VWF: variants seen among roughly 807,000 people sequenced by gnomAD.
The protein encoded by VWF is von Willebrand factor.
VWF carries 176 observed loss-of-function variants against 308.6 expected under a neutral mutation model. That is an observed-to-expected ratio of 0.57 (90% CI 0.50 to 0.65). VWF has a LOEUF of 0.65. VWF is among the 30% of genes least tolerant of loss of function. The probability of loss-of-function intolerance (pLI) is 0.00; values close to 1 mark genes in which losing one functional copy is unlikely to be tolerated. For missense variants in VWF, 3,146 were observed against 3,648.2 expected (o/e 0.86, Z 3.55); for synonymous variants, 1,385 against 1,443.4 (o/e 0.96, Z 0.92).
At chr12:5,975,291 T>C (rs974900284) in intron 43 of VWF, among the ~76,000 whole-genome samples, 2 of 152,248 alleles carry the variant, frequency 1.3e-5, no homozygotes, top group African/African-American at 2.4e-5. Flanking sequence ...AACCACAAGA[T>C]GGATGTGCTC....
At chr12:6,067,450 T>C (rs1944728999) in intron 10 of VWF, among the ~76,000 whole-genome samples, 1 of 152,218 alleles carries the variant, frequency 6.6e-6, no homozygotes, top group Non-Finnish European at 1.5e-5. Flanking sequence ...AGGAAAACTT[T>C]CAGGGCCAGC....
At chr12:6,111,778 G>GTTTTTTT (rs1565394271) in intron 3 of VWF, among the ~76,000 whole-genome samples, 1 of 149,706 alleles carries the variant, frequency 6.7e-6, no homozygotes, top group Non-Finnish European at 1.5e-5. Flanking sequence ...GTGAAACCCC[G>GTTTTTTT]TCTCTACTAA....
intron 6 of VWF, among the ~76,000 whole-genome samples, chr12:6,089,399 C>A (rs150574928): frequency 6.6e-6 from 1 of 152,174 alleles, no homozygotes; most frequent in Admixed American, 6.5e-5. Flanking sequence ...CAGCCCAACA[C>A]GAAGAACCTG....
intron 20 of VWF, 90 bp from the exon 21 acceptor site, chr12:6,031,668 G>A: frequency 6.3e-7 from 1 of 1,599,986 alleles, no homozygotes; most frequent in Non-Finnish European, 8.5e-7. Context: ...ACAGGCCTTT[G>A]AGTACGTGTC....
intron 3 of VWF, among the ~76,000 whole-genome samples, chr12:6,120,414 T>C (rs1945416567): frequency 6.6e-6 from 1 of 151,880 alleles, no homozygotes; most frequent in African/African-American, 2.4e-5. Flanking sequence ...GCGATTCTCC[T>C]GCCTCAGCCT....
intron 6 of VWF, among the ~76,000 whole-genome samples, chr12:6,092,618 A>AGTGAGTGAGAGTGT (rs1945055436): frequency 3.0e-5 from 2 of 66,218 alleles, no homozygotes; most frequent in African/African-American, 1.6e-4. Flanking sequence ...AGTGAGTGAG[A>AGTGAGTGAGAGTGT]GTGTGTGTGT....
At position 5,991,890 on chromosome 12, in the gene VWF, T is replaced by A; in HGVS notation, c.6727A>T (p.Met2243Leu). 1 of 1,614,212 alleles carries A rather than the reference T, an allele frequency of 6.2e-7. No individual in the cohort carries two copies. The highest frequency in any genetic ancestry group is 8.5e-7 in the Non-Finnish European group (1 of 1,180,042). The change falls in exon 38 of 52, where the codon ATG becomes TTG. Residue 2243 changes from methionine (M) to leucine (L), a missense_variant. Met to Leu is a conservative substitution (Grantham distance 15, BLOSUM62 2). Around this residue, in one of 3 missense-constraint regions of VWF, gnomAD observed 989 missense variants for 1,117.4 expected, o/e 0.89. Coordinates refer to ENST00000261405, the MANE Select transcript of VWF (RefSeq NM_000552.5). ...EGCFCPPDKV[M>L]LEGSCVPEEA... Reference sequence around the variant, plus strand: ...TCAGGGACACAGCTGCCTTCCAACATGACTTTATCTGGAGGGCAGAAACAG... The same window carrying A: ...TCAGGGACACAGCTGCCTTCCAACAAGACTTTATCTGGAGGGCAGAAACAG...
At chr12:5,986,168 C>G (rs760368776) in intron 38 of VWF, among the ~76,000 whole-genome samples, 4 of 152,132 alleles carry the variant, frequency 2.6e-5, no homozygotes, top group Non-Finnish European at 5.9e-5. Flanking sequence ...GGGAGACGGC[C>G]CAGGGCAGAG....
At chr12:6,009,841 T>C (rs1309737473) in intron 34 of VWF, among the ~76,000 whole-genome samples, 1 of 152,208 alleles carries the variant, frequency 6.6e-6, no homozygotes, top group African/African-American at 2.4e-5. Context: ...ATAGATGAAC[T>C]TGGAGGATGT....
chr12:6,075,264 C>A lies in VWF; in HGVS notation c.874+71G>T. ...ACATACGTGACACAGCCCCGAAGCA[C>A]CCTAAGGGACACCACCCAGGACAGA... On this transcript the variant is annotated intron_variant, in intron 7 of 51. Coordinates refer to ENST00000261405, the MANE Select transcript of VWF (RefSeq NM_000552.5). The surrounding 1 kb of genome is among the most constrained non-coding windows in gnomAD (Gnocchi z 4.7). The A allele has an allele frequency of 1.3e-6, 2 of 1,598,360 alleles. No individual in the cohort carries two copies. Among genetic ancestry groups the A allele is most frequent in the Non-Finnish European group, 8.6e-7 (1 of 1,168,994 alleles).
intron 33 of VWF, 22 bp downstream of exon 33, chr12:6,012,065 A>G (rs2136403902): frequency 6.2e-7 from 1 of 1,613,774 alleles, no homozygotes; most frequent in Middle Eastern, 1.7e-4. Context: ...CTTTCTTTCA[A>G]AGTCAACAGA....
rs1186941439 is a variant in VWF, at chr12:6,034,834, C to T, written c.2547-8G>A. The T allele has an allele frequency of 6.2e-7, 1 of 1,613,734 alleles. No homozygotes were observed. The highest frequency in any genetic ancestry group is 1.1e-5 in the South Asian group (1 of 91,070). ...TTCCGGTCCTGACAGACACTAGGAGCAGTCATGGCAGAGATGACAAGTTGG... is the reference window on the plus strand; with the variant it reads ...TTCCGGTCCTGACAGACACTAGGAGTAGTCATGGCAGAGATGACAAGTTGG... On this transcript the variant is annotated splice_polypyrimidine_tract_variant and splice_region_variant and intron_variant, in intron 19 of 51. Transcript: ENST00000261405.
chr12:6,076,684 T>A (rs1229131084), intron 6 of VWF, among the ~76,000 whole-genome samples: 1 of 152,026 alleles, frequency 6.6e-6, no homozygotes, highest in East Asian at 1.9e-4. Context: ...CTGGAGCCAG[T>A]TGGTATTTGG....
At chr12:5,995,231 T>C (rs536320020) in intron 35 of VWF, among the ~76,000 whole-genome samples, 3 of 152,300 alleles carry the variant, frequency 2.0e-5, no homozygotes, top group African/African-American at 7.2e-5. Flanking sequence ...CGCTCTTTCT[T>C]GGGCAGCCCC....
In VWF at chr12:6,014,269, CA is replaced by C. The variant is rs201676336; in HGVS notation, c.5456-625del. 5.2e-3 allele frequency among the ~76,000 whole-genome samples: 795 copies of C among 152,204 alleles called. 8 individuals carry two copies. Among genetic ancestry groups the C allele is most frequent in the African/African-American group, 0.017 (698 of 41,514 alleles). The stretch of plus-strand genomic sequence containing the variant: ...TGCTCCATTGGCCACAGTAAGGGCT[CA>C]CCATGTTCTGTGAATGAAACAAAGC... On this transcript the variant is annotated intron_variant, in intron 31 of 51. Transcript: ENST00000261405.
chr12:6,035,468 C>G (rs1167210244), intron 19 of VWF, among the ~76,000 whole-genome samples: 2 of 152,214 alleles, frequency 1.3e-5, no homozygotes, highest in Non-Finnish European at 2.9e-5. Context: ...GCTCAGACCT[C>G]AAGCCCAAGA....
rs78484222 is a variant in VWF, at chr12:6,040,333, C to T, written c.2443-3842G>A. ...GCACAACCCCCTCATTTTATCGATCCGGCAGGTCTCAGAAAGTGAACACTG... is the reference window on the plus strand; with the variant it reads ...GCACAACCCCCTCATTTTATCGATCTGGCAGGTCTCAGAAAGTGAACACTG... On this transcript the variant is annotated intron_variant, in intron 18 of 51. Transcript: ENST00000261405. 9.9e-3 allele frequency among the ~76,000 whole-genome samples: 1,503 copies of T among 152,234 alleles called. 22 individuals are homozygous for T. The highest frequency in any genetic ancestry group is 0.034 in the African/African-American group (1,400 of 41,522).
intron 38 of VWF, among the ~76,000 whole-genome samples, chr12:5,986,198 C>T (rs1486894400): frequency 6.6e-6 from 1 of 152,150 alleles, no homozygotes; most frequent in East Asian, 1.9e-4. Context: ...CTCGAAGGTA[C>T]ACACAGCCCC....
chr12:6,079,685 G>A (rs978255057), intron 6 of VWF, among the ~76,000 whole-genome samples: 6 of 152,028 alleles, frequency 3.9e-5, no homozygotes, highest in Admixed American at 2.0e-4. Flanking sequence ...ACACTGGGAT[G>A]CAGGTAGTGA....
Sources: allele counts gnomAD v4.1 joint callset (sites outside exome capture counted in the v4.1 genomes callset), GRCh38; gene constraint gnomAD v4.1.1; regional missense constraint gnomAD v4.1.1; non-coding constraint Gnocchi (gnomAD v3.1); transcripts MANE v1.5; gene names NCBI Gene and HGNC (gene_info 2026-07-23, HGNC 2026-07-21).